CLTRN: variants seen among roughly 807,000 people sequenced by gnomAD.
CLTRN encodes the protein collectrin.
A neutral mutation model predicts 14.5 loss-of-function variants in CLTRN; 12 were observed. The ratio of observed to expected loss-of-function variants is 0.83; its 90% CI spans 0.53 to 1.34. The LOEUF (loss-of-function observed/expected upper bound fraction) is 1.34. Ranked by LOEUF, CLTRN falls within the 40% of genes most tolerant of loss-of-function variation. The pLI is 0.00. For missense variants in CLTRN, 154 were observed against 165.1 expected (o/e 0.93, Z 0.37); for synonymous variants, 58 against 56.5 (o/e 1.03, Z -0.12).
At chrX:15,632,680 A>G (rs891266626) in intron 5 of CLTRN, among the ~76,000 whole-genome samples, 13 of 109,246 alleles carry the variant, frequency 1.2e-4, no homozygotes, top group African/African-American at 4.0e-4. Context: ...TCACAAGGTC[A>G]GGAGATCAAG....
chrX:15,632,747 G>A (rs1928726110), intron 5 of CLTRN, among the ~76,000 whole-genome samples: 1 of 107,473 alleles, frequency 9.3e-6, no homozygotes, highest in Non-Finnish European at 1.9e-5. Flanking sequence ...AGCCGGGTGT[G>A]GTGGCGGGCG....
At chrX:15,634,941 A>AT (rs1235454577) in intron 5 of CLTRN, among the ~76,000 whole-genome samples, 6 of 101,979 alleles carry the variant, frequency 5.9e-5, no homozygotes, top group East Asian at 7.9e-4. Context: ...AATAATAATA[A>AT]AAAATAAATA....
chrX:15,640,093 T>C (rs1044626672), intron 4 of CLTRN, among the ~76,000 whole-genome samples: 3 of 111,650 alleles, frequency 2.7e-5, no homozygotes, highest in Non-Finnish European at 5.7e-5. Flanking sequence ...GAGGCAGGGC[T>C]CTAACCCTGG....
At chrX:15,659,236 T>A (rs1312434262) in intron 2 of CLTRN, 135 bp from the exon 3 acceptor site, 16 of 272,109 alleles carry the variant, frequency 5.9e-5, no homozygotes, top group African/African-American at 4.5e-4. Flanking sequence ...ACGTTTCTCA[T>A]ATATTAGATA....
intron 5 of CLTRN, among the ~76,000 whole-genome samples, chrX:15,632,519 A>C: frequency 9.1e-6 from 1 of 109,325 alleles, no homozygotes; most frequent in Non-Finnish European, 1.9e-5. Flanking sequence ...TGGAGGTTGC[A>C]GTGAGCAGAG....
chrX:15,674,516 A>G (rs1929782825), intron 1 of CLTRN, among the ~76,000 whole-genome samples: 1 of 112,621 alleles, frequency 8.9e-6, no homozygotes, highest in African/African-American at 3.2e-5. Flanking sequence ...TAGAAGGAAC[A>G]TTGCTCCACC....
intron 3 of CLTRN, among the ~76,000 whole-genome samples, chrX:15,658,010 T>C (rs1406956103): frequency 8.9e-6 from 1 of 111,932 alleles, no homozygotes; most frequent in African/African-American, 3.2e-5. Context: ...TCATCTATAC[T>C]GGGCCTTGAA....
chrX:15,671,072 A>G (rs1444853049), intron 1 of CLTRN, among the ~76,000 whole-genome samples: 1 of 111,542 alleles, frequency 9.0e-6, no homozygotes, highest in Non-Finnish European at 1.9e-5. Context: ...AAACTATCAT[A>G]TTCATGGGCT....
intron 4 of CLTRN, among the ~76,000 whole-genome samples, chrX:15,640,589 G>C (rs1928919428): frequency 8.9e-6 from 1 of 112,638 alleles, no homozygotes; most frequent in African/African-American, 3.2e-5. Flanking sequence ...TCTATTTAAG[G>C]TGGCTTACAT....
At chrX:15,668,271 G>A (rs754016579), upstream of CLTRN, among the ~76,000 whole-genome samples, 2 of 111,719 alleles carry the variant, frequency 1.8e-5, no homozygotes, top group African/African-American at 6.5e-5. Context: ...TACAATGATG[G>A]GAATAAGACG....
intron 3 of CLTRN, among the ~76,000 whole-genome samples, chrX:15,651,308 G>T (rs777588915): frequency 1.8e-5 from 2 of 111,187 alleles, no homozygotes; most frequent in Non-Finnish European, 3.8e-5. Context: ...TTCAGATTCC[G>T]TGCCCCATCC....
Position 15,627,999 on chromosome X carries a change from G to T in CLTRN, c.641C>A (p.Thr214Lys). Residue 214 changes from threonine to lysine, a missense_variant, in exon 6 of 6, where the codon ACA (threonine) becomes AAA (lysine). By Grantham distance (78) the Thr-to-Lys change is moderately conservative. Transcript: ENST00000380342. ...GAGAGGGGTGAGCCTCTCATCCTCT[G>T]TCATGAAGGCATCATTAATATGCCC... ...KGGHINDAFM[T>K]EDERLTPL 9.1e-7 allele frequency: 1 copy of T among 1,104,898 alleles called. No homozygotes were observed. The highest frequency in any genetic ancestry group is 1.2e-6 in the Non-Finnish European group (1 of 836,991). The allele number at this position is 1,104,898 out of a possible 1,213,427, so 91.1% of individuals were successfully genotyped here. A position where few individuals can be genotyped will look rare whatever the true frequency, so the allele number is the denominator to read the frequency against.
At chrX:15,656,803 T>C (rs774327815) in intron 3 of CLTRN, among the ~76,000 whole-genome samples, 168 of 110,607 alleles carry the variant, frequency 1.5e-3, no homozygotes, top group African/African-American at 5.4e-3. Flanking sequence ...ATCCCCTTGA[T>C]AGCAGTATTA....
At chrX:15,639,982 C>T (rs934730209) in intron 4 of CLTRN, among the ~76,000 whole-genome samples, 1 of 112,062 alleles carries the variant, frequency 8.9e-6, no homozygotes, top group African/African-American at 3.2e-5. Flanking sequence ...TCCACTGCTG[C>T]CCCCATTGTT....
intron 2 of CLTRN, 100 bp from the exon 3 acceptor site, chrX:15,659,201 C>A: frequency 2.8e-6 from 1 of 357,172 alleles, no homozygotes; most frequent in Non-Finnish European, 5.3e-6. Flanking sequence ...TCCACACACA[C>A]ACACACACAC....
At chrX:15,638,726 C>T (rs1928873720) in intron 5 of CLTRN, among the ~76,000 whole-genome samples, 1 of 111,812 alleles carries the variant, frequency 8.9e-6, no homozygotes, top group African/African-American at 3.3e-5. Context: ...TCTTCTTCTC[C>T]ACTACCTCAG....
chrX:15,636,299 G>A (rs1055313802), intron 5 of CLTRN, among the ~76,000 whole-genome samples: 46 of 112,087 alleles, frequency 4.1e-4, no homozygotes, highest in Admixed American at 1.1e-3. Context: ...ATCAACCTAA[G>A]TGTCCATCAA....
chrX:15,671,171 T>C (rs1007599545), intron 1 of CLTRN, among the ~76,000 whole-genome samples: 1 of 111,517 alleles, frequency 9.0e-6, no homozygotes, highest in Non-Finnish European at 1.9e-5. Flanking sequence ...ACGATGGCAA[T>C]AGATGCACAT....
upstream of CLTRN, among the ~76,000 whole-genome samples, chrX:15,669,067 G>T (rs1276093514): frequency 9.0e-6 from 1 of 111,260 alleles, no homozygotes; most frequent in Non-Finnish European, 1.9e-5. Flanking sequence ...TCTGTTTTTT[G>T]ATTCATAAAT....
Sources: gnomAD v4.1 joint callset for allele counts (sites outside exome capture counted in the v4.1 genomes callset) on GRCh38, gnomAD v4.1.1 for gene constraint, MANE v1.5 for transcripts, NCBI Gene and HGNC (gene_info 2026-07-23, HGNC 2026-07-21) for gene names.